The following CREB5 variants were observed in gnomAD, a reference collection of about 807,000 sequenced individuals.
CREB5 encodes cAMP responsive element binding protein 5, also known as cyclic AMP-responsive element-binding protein 5.
In CREB5, 19 loss-of-function variants were observed where a neutral mutation model predicts 57.1. That is an observed-to-expected ratio of 0.33 (90% CI 0.23 to 0.49). The LOEUF (loss-of-function observed/expected upper bound fraction) is 0.49, where lower values mean the gene tolerates loss of function less well. CREB5 is among the 20% of genes least tolerant of loss of function. The probability of loss-of-function intolerance (pLI) is 0.99; values close to 1 mark genes in which losing one functional copy is unlikely to be tolerated. For missense variants in CREB5, 579 were observed against 671.6 expected, an observed-to-expected ratio of 0.86 and a Z score of 1.52; for synonymous variants, 238 against 238.3, an observed-to-expected ratio of 1.00 and a Z score of 0.01.
At position 28,824,877 on chromosome 7, in the gene CREB5, A is replaced by C. The variant is rs753787782; in HGVS notation, c.*5598A>C. ...CACTCTGATACCTTTCCAACTTGTC[A>C]TCAGAAAGGAATCAATAATTACCAA... On this transcript the variant is annotated 3_prime_UTR_variant, in exon 11 of 11. Transcript: ENST00000357727. The C allele has an allele frequency of 6.6e-6, 1 of 152,652 alleles. No homozygotes were observed. Among genetic ancestry groups the C allele is most frequent in the Non-Finnish European group, 1.5e-5 (1 of 68,032 alleles). The allele number at this position is 152,652 out of a possible 1,614,324, so 9.5% of individuals were successfully genotyped here. A position where few individuals can be genotyped will look rare whatever the true frequency, so the allele number is the denominator to read the frequency against.
intron 1 of CREB5, among the ~76,000 whole-genome samples, chr7:28,446,834 T>C (rs1789503132): frequency 6.6e-6 from 1 of 152,088 alleles, no homozygotes; most frequent in African/African-American, 2.4e-5. Flanking sequence ...ATAATTGTCT[T>C]ACCCACTTTA....
In CREB5 at chr7:28,586,276, G is replaced by A. The variant is rs1796303408; in HGVS notation, c.464+15739G>A. On this transcript the variant is annotated intron_variant, in intron 5 of 10. Transcript: ENST00000357727. Reference sequence around the variant, plus strand: ...TGATGAAAGACCCCTCAGTGAGTGTGGTGGCTGCCACGACAGGAGGAGAAG... The same window carrying A: ...TGATGAAAGACCCCTCAGTGAGTGTAGTGGCTGCCACGACAGGAGGAGAAG... Among the ~76,000 whole-genome samples, 3 of 152,292 alleles carry A rather than the reference G, an allele frequency of 2.0e-5. No individual in the cohort carries two copies. The South Asian group carries it at 6.2e-4, about 32-fold the overall frequency.
intron 1 of CREB5, among the ~76,000 whole-genome samples, chr7:28,387,982 T>C (rs1426186034): frequency 6.6e-6 from 1 of 152,200 alleles, no homozygotes; most frequent in Non-Finnish European, 1.5e-5. Flanking sequence ...ATTCAGCTGT[T>C]GTTTTTGCTG....
chr7:28,586,379 A>T (rs1796307935), intron 5 of CREB5, among the ~76,000 whole-genome samples: 1 of 152,182 alleles, frequency 6.6e-6, no homozygotes, highest in Non-Finnish European at 1.5e-5. Flanking sequence ...TCTTTCTAAA[A>T]TAGGAATTAG....
At chr7:28,446,312 G>A (rs1441746128) in intron 1 of CREB5, among the ~76,000 whole-genome samples, 1 of 152,106 alleles carries the variant, frequency 6.6e-6, no homozygotes, top group Admixed American at 6.5e-5. Flanking sequence ...GTGGCTTCTG[G>A]CAGCTCCCAC....
chr7:28,787,143 G>A (rs1164613230), intron 7 of CREB5, among the ~76,000 whole-genome samples: 1 of 152,164 alleles, frequency 6.6e-6, no homozygotes, highest in Non-Finnish European at 1.5e-5. Context: ...CCCCAGCTGA[G>A]AAGAGACATC....
chr7:28,784,415 A>G (rs1282270972), intron 7 of CREB5, among the ~76,000 whole-genome samples: 1 of 151,964 alleles, frequency 6.6e-6, no homozygotes, highest in Non-Finnish European at 1.5e-5. Flanking sequence ...TAACCACAGC[A>G]GGGGGAAAGT....
At chr7:28,559,845 G>T (rs1314901442) in intron 4 of CREB5, among the ~76,000 whole-genome samples, 1 of 152,236 alleles carries the variant, frequency 6.6e-6, no homozygotes, top group Non-Finnish European at 1.5e-5. Context: ...TCCTGGAATT[G>T]ATTGTACAGT....
chr7:28,396,282 T>C (rs987871739), intron 1 of CREB5, among the ~76,000 whole-genome samples: 24 of 152,212 alleles, frequency 1.6e-4, no homozygotes, highest in Admixed American at 1.6e-3. Context: ...GAAAGAAGGA[T>C]GTGGGATGGA....
chr7:28,792,446 G>C (rs1398630938), intron 7 of CREB5, among the ~76,000 whole-genome samples: 1 of 152,136 alleles, frequency 6.6e-6, no homozygotes, highest in Non-Finnish European at 1.5e-5. Context: ...TAACAATGTA[G>C]TTGAGAACCA....
intron 1 of CREB5, among the ~76,000 whole-genome samples, chr7:28,315,611 A>G (rs370895854): frequency 1.1e-4 from 17 of 152,286 alleles, no homozygotes; most frequent in Middle Eastern, 6.8e-3. Context: ...TTTTCCCTAC[A>G]GTTTCAATCT....
chr7:28,373,715 C>T (rs1329730625), intron 1 of CREB5, among the ~76,000 whole-genome samples: 5 of 151,892 alleles, frequency 3.3e-5, no homozygotes, highest in African/African-American at 9.7e-5. Context: ...TGTGAACCAC[C>T]GTGTCCAGCC....
intron 7 of CREB5, among the ~76,000 whole-genome samples, chr7:28,798,666 T>C (rs778658474): frequency 6.6e-6 from 1 of 152,136 alleles, no homozygotes. Flanking sequence ...TGAAAATGAC[T>C]CCTTTTGACT....
intron 4 of CREB5, among the ~76,000 whole-genome samples, chr7:28,544,382 T>C (rs1363189319): frequency 1.3e-5 from 2 of 152,168 alleles, no homozygotes; most frequent in Non-Finnish European, 2.9e-5. Context: ...CTGAAATGTG[T>C]GTTCCAACCT....
chr7:28,627,038 T>C (rs937163561), intron 5 of CREB5, among the ~76,000 whole-genome samples: 1 of 152,212 alleles, frequency 6.6e-6, no homozygotes, highest in African/African-American at 2.4e-5. Flanking sequence ...TATTAAAATT[T>C]CTAATTTCCT....
Position 28,499,221 on chromosome 7 carries a change from C to T in CREB5, c.169+4222C>T, listed in dbSNP as rs1482742936. The stretch of plus-strand genomic sequence containing the variant: ...ACCCAGAATCAGAATCAAAGTGCAA[C>T]CTTATTTATAGCTGAACAGACAAGT... On this transcript the variant is annotated intron_variant, in intron 3 of 10. Coordinates refer to ENST00000357727, the MANE Select transcript of CREB5 (RefSeq NM_182898.4). Among the ~76,000 whole-genome samples the T allele has an allele frequency of 2.0e-5, 3 of 146,752 alleles. No individual in the cohort carries two copies. The East Asian group carries it at 5.9e-4, about 29-fold the overall frequency.
Position 28,724,301 on chromosome 7 carries a change from A to C in CREB5, c.671A>C (p.Gln224Pro), listed in dbSNP as rs1583618007. ...CTCAGCAACCCCTGTGCTTCTCCCC[A>C]GGTCCAGCCAATGCATTCAGAAGCC... ...PNLSNPCASP[Q>P]VQPMHSEAKM... The change falls in exon 7 of 11, where the codon CAG (glutamine) becomes CCG (proline). Residue 224 changes from glutamine (Q) to proline (P), a missense_variant. By Grantham distance (76) the Gln-to-Pro change is moderately conservative. Transcript: ENST00000357727. 1 of 1,613,822 alleles carries C rather than the reference A, an allele frequency of 6.2e-7. No individual in the cohort carries two copies.
intron 1 of CREB5, among the ~76,000 whole-genome samples, chr7:28,470,747 C>T (rs866263854): frequency 6.8e-4 from 104 of 152,232 alleles, no homozygotes; most frequent in African/African-American, 2.4e-3. Flanking sequence ...TTGTTATTGC[C>T]TGTCTTTTGG....
intron 4 of CREB5, among the ~76,000 whole-genome samples, chr7:28,516,228 TAAAG>T (rs1792948448): frequency 6.6e-6 from 1 of 151,920 alleles, no homozygotes; most frequent in Non-Finnish European, 1.5e-5. Flanking sequence ...AAAAAAAAAG[TAAAG>T]AAAACAATTG....
Sources: gnomAD v4.1 joint callset for allele counts (sites outside exome capture counted in the v4.1 genomes callset) on GRCh38, gnomAD v4.1.1 for gene constraint, MANE v1.5 for transcripts, NCBI Gene and HGNC (gene_info 2026-07-23, HGNC 2026-07-21) for gene names.